Variants in LARP1 observed in about 807,000 individuals in gnomAD.
LARP1 encodes the protein la-related protein 1.
In LARP1, 36 loss-of-function variants were observed where a neutral mutation model predicts 122.7. That is an observed-to-expected ratio of 0.29 (90% CI 0.22 to 0.39). LARP1 has a LOEUF of 0.39. LARP1 is among the 10% of genes least tolerant of loss of function. The pLI is 1.00. For synonymous variants in LARP1, 539 were observed against 528.7 expected (o/e 1.02, Z -0.27); for missense variants, 1,040 against 1,403.6 (o/e 0.74, Z 4.14).
At position 154,738,819 on chromosome 5, in the gene LARP1, C is replaced by T. The variant is rs148810682; in HGVS notation, c.205+25689C>T. ...TGCCTGTAATCCCAGCACTTTGGGA[C>T]GCTGAGGTGGGAGGATTTCTTGAGC... On this transcript the variant is annotated intron_variant, in intron 1 of 18. Coordinates refer to the LARP1 transcript ENST00000336314. Among the ~76,000 whole-genome samples the T allele has an allele frequency of 4.6e-5, 7 of 151,974 alleles. No homozygotes were observed. The East Asian group carries it at 5.8e-4, about 13-fold the overall frequency.
chr5:154,729,608 C>G (rs112006144), intron 1 of LARP1: 9 of 419,232 alleles, frequency 2.1e-5, no homozygotes, highest in Middle Eastern at 8.0e-4. Context: ...GATGAAGCAC[C>G]AGCCACTCCA....
intron 1 of LARP1, among the ~76,000 whole-genome samples, chr5:154,696,270 T>C (rs1413220877): frequency 6.6e-6 from 1 of 152,088 alleles, no homozygotes; most frequent in Non-Finnish European, 1.5e-5. Flanking sequence ...GGTGGGAGAA[T>C]TGCTTGAGCC....
At chr5:154,772,605 TAAC>T (rs988412861) in intron 1 of LARP1, among the ~76,000 whole-genome samples, 14 of 152,252 alleles carry the variant, frequency 9.2e-5, no homozygotes, top group Non-Finnish European at 1.2e-4. Flanking sequence ...AGTAAGAGAT[TAAC>T]AACAACAAAA....
chr5:154,779,341 T>C (rs1287008883), intron 1 of LARP1, among the ~76,000 whole-genome samples: 1 of 152,062 alleles, frequency 6.6e-6, no homozygotes, highest in African/African-American at 2.4e-5. Context: ...CCCCTGGCCT[T>C]GTGAGTTACT....
At chr5:154,693,630 C>T (rs1222909966) in intron 1 of LARP1, among the ~76,000 whole-genome samples, 2 of 151,914 alleles carry the variant, frequency 1.3e-5, no homozygotes, top group Admixed American at 6.6e-5. Context: ...CCGAGGCGGG[C>T]GGATCACGAG....
chr5:154,693,073 C>T lies in LARP1; in HGVS notation c.-180+10036C>T, dbSNP rs146435847. On this transcript the variant is annotated intron_variant, in intron 1 of 18. Coordinates refer to the LARP1 transcript ENST00000687700. ...CTCCTGGGCTCAAGGGATCCTCCTG[C>T]CTCAGCCTCCCAAAGTGCTGGGATT... Among the ~76,000 whole-genome samples, 1,301 of 151,304 alleles carry T rather than the reference C, an allele frequency of 8.6e-3. 20 individuals are homozygous for T. The highest frequency in any genetic ancestry group is 0.03 in the African/African-American group (1,224 of 41,106).
upstream of LARP1, among the ~76,000 whole-genome samples, chr5:154,710,905 G>C (rs115768523): frequency 1.3e-5 from 2 of 151,932 alleles, no homozygotes; most frequent in East Asian, 3.9e-4. Flanking sequence ...ATTACATACT[G>C]TATATCCAAC....
At chr5:154,772,206 ATAATC>A (rs10554250) in intron 1 of LARP1, among the ~76,000 whole-genome samples, 7,572 of 152,260 alleles carry the variant, frequency 0.05, 315 homozygotes, top group African/African-American at 0.12. Flanking sequence ...ATCAGTTTTA[ATAATC>A]TAATATATTC....
intron 1 of LARP1, among the ~76,000 whole-genome samples, chr5:154,697,521 AC>A (rs1376131707): frequency 6.6e-6 from 1 of 152,208 alleles, no homozygotes; most frequent in Non-Finnish European, 1.5e-5. Context: ...AAACAACCAT[AC>A]TTGGTGACTG....
At chr5:154,698,412 C>G (rs1441369126) in intron 1 of LARP1, among the ~76,000 whole-genome samples, 1 of 152,094 alleles carries the variant, frequency 6.6e-6, no homozygotes, top group Non-Finnish European at 1.5e-5. Flanking sequence ...GCCTGGCCAA[C>G]ATGGTGAAAC....
intron 14 of LARP1, 170 bp from the exon 15 acceptor site, chr5:154,805,709 CAG>C (rs1758719796): frequency 6.1e-6 from 4 of 651,780 alleles, no homozygotes; most frequent in South Asian, 5.9e-5. Flanking sequence ...AGAGTTGATG[CAG>C]AGTTAATCAG....
chr5:154,737,438 T>C (rs1014911393), intron 1 of LARP1, among the ~76,000 whole-genome samples: 5 of 115,446 alleles, frequency 4.3e-5, no homozygotes, highest in East Asian at 2.3e-4. Flanking sequence ...ATTTTTCTCT[T>C]TTTTTTTTTT....
chr5:154,792,914 A>C lies in LARP1; in HGVS notation c.739+118A>C, dbSNP rs1340547537. ...CCACCTCTGAAAAGTCAATGGGGAAACTGATGGATGTAGGCTGGTGAGATA... is the reference window on the plus strand; with the variant it reads ...CCACCTCTGAAAAGTCAATGGGGAACCTGATGGATGTAGGCTGGTGAGATA... On this transcript the variant is annotated intron_variant, in intron 4 of 18. Coordinates refer to ENST00000518297, the MANE Select transcript of LARP1 (RefSeq NM_033551.3). 3.3e-6 allele frequency: 3 copies of C among 919,710 alleles called. No individual in the cohort carries two copies. The African/African-American group carries it at 5.0e-5, about 15-fold the overall frequency. 57.0% of individuals were successfully genotyped at this position (919,710 alleles called of 1,614,324 possible).
chr5:154,813,785 C>T (rs956128494), intron 18 of LARP1, 102 bp from the exon 19 acceptor site: 17 of 923,644 alleles, frequency 1.8e-5, no homozygotes, highest in Non-Finnish European at 2.2e-5. Context: ...CATTCATTTT[C>T]TATATTTGGA....
At chr5:154,769,767 A>G (rs1755251150) in intron 1 of LARP1, among the ~76,000 whole-genome samples, 1 of 152,214 alleles carries the variant, frequency 6.6e-6, no homozygotes, top group African/African-American at 2.4e-5. Context: ...CTCAGAGTAT[A>G]AAGGAGAAAG....
chr5:154,800,793 A>G (rs768173981), intron 10 of LARP1, among the ~76,000 whole-genome samples: 1 of 152,136 alleles, frequency 6.6e-6, no homozygotes. Flanking sequence ...CTTTGGGTCT[A>G]TGGAATTCTA....
Position 154,779,375 on chromosome 5 carries a change from G to T in LARP1, c.437-10950G>T, listed in dbSNP as rs200345115. On this transcript the variant is annotated intron_variant, in intron 1 of 18. Transcript: ENST00000518297. ...CTTAATTGATGATGGCTCTTGGTTA[G>T]TACATCCAAGAATGGACTCCAAAGT... 5.3e-5 allele frequency among the ~76,000 whole-genome samples: 8 copies of T among 152,228 alleles called. No individual in the cohort carries two copies. The East Asian group carries it at 1.5e-3, about 29-fold the overall frequency.
chr5:154,684,022 C>T (rs145989805), intron 1 of LARP1, among the ~76,000 whole-genome samples: 15 of 152,270 alleles, frequency 9.9e-5, no homozygotes, highest in East Asian at 5.8e-4. Context: ...AAGTTGTTTT[C>T]GGGTCATTGG....
At chr5:154,720,704 C>G (rs963362014) in intron 1 of LARP1, among the ~76,000 whole-genome samples, 6 of 151,800 alleles carry the variant, frequency 4.0e-5, no homozygotes, top group African/African-American at 1.5e-4. Flanking sequence ...AGAGAGAGAC[C>G]GTGTCTTGGG....
Sources: allele counts gnomAD v4.1 joint callset (sites outside exome capture counted in the v4.1 genomes callset), GRCh38; gene constraint gnomAD v4.1.1; transcripts MANE v1.5; gene names NCBI Gene and HGNC (gene_info 2026-07-23, HGNC 2026-07-21).